The following CCNF variants were observed in gnomAD, a reference collection of about 807,000 sequenced individuals.
The protein encoded by CCNF is cyclin F.
Under a neutral mutation model 85.4 loss-of-function variants are expected in CCNF, and 30 were observed. The ratio of observed to expected loss-of-function variants is 0.35; its 90% confidence interval spans 0.26 to 0.48. The LOEUF is 0.48. Ranked by LOEUF, CCNF falls within the 20% of genes least tolerant of loss-of-function variation. The probability of loss-of-function intolerance (pLI) is 0.99; values close to 1 mark genes in which losing one functional copy is unlikely to be tolerated. For synonymous variants in CCNF, 439 were observed against 425.1 expected (o/e 1.03, Z -0.40); for missense variants, 919 against 1,010.4 (o/e 0.91, Z 1.23).
chr16:2,445,412 C>T, intron 9 of CCNF, 46 bp from the exon 10 acceptor site: 1 of 1,605,852 alleles, frequency 6.2e-7, no homozygotes. Context: ...GACAGGGACA[C>T]ATGGAGAACG....
At position 2,457,265 on chromosome 16, in the gene CCNF, C is replaced by T. The variant is rs948295225; in HGVS notation, c.*245C>T. The T allele has an allele frequency of 2.2e-6, 1 of 464,514 alleles. No individual in the cohort carries two copies. The highest frequency in any genetic ancestry group is 3.8e-6 in the Non-Finnish European group (1 of 260,664). The allele number at this position is 464,514 out of a possible 1,614,324, so 28.8% of individuals were successfully genotyped here. On this transcript the variant is annotated 3_prime_UTR_variant, in exon 17 of 17. Transcript: ENST00000397066. ...TTTAGCCTGGAAGCAGTTGGCCACA[C>T]TGTGTGGAGGGCACCTCTCTGTCCC...
chr16:2,443,550 G>A, intron 8 of CCNF, 99 bp from the exon 9 acceptor site: 1 of 1,178,870 alleles, frequency 8.5e-7, no homozygotes, highest in Non-Finnish European at 1.2e-6. Context: ...AGGGCAGTGT[G>A]TCCACATGCA....
chr16:2,437,772 A>T (rs779744110), intron 5 of CCNF: 4 of 393,332 alleles, frequency 1.0e-5, no homozygotes, highest in Non-Finnish European at 1.9e-5. Context: ...GGTGGTGCAT[A>T]CCTATAGTCC....
At chr16:2,440,745 C>T (rs1287586236) in intron 8 of CCNF, among the ~76,000 whole-genome samples, 2 of 152,036 alleles carry the variant, frequency 1.3e-5, no homozygotes, top group Non-Finnish European at 2.9e-5. Flanking sequence ...TGGCCCAGCC[C>T]GAGGTGTCAT....
chr16:2,453,468 C>G lies in CCNF; in HGVS notation c.1646C>G (p.Pro549Arg). 6.2e-7 allele frequency: 1 copy of G among 1,614,120 alleles called. No individual in the cohort carries two copies. Among genetic ancestry groups the G allele is most frequent in the Non-Finnish European group, 8.5e-7 (1 of 1,180,000 alleles). Residue 549 changes from proline (P) to arginine (R), a missense_variant, in exon 15 of 17, where the codon CCC becomes CGC. This residue lies in a region of CCNF where 505 missense variants were observed against 514.8 expected (regional missense o/e 0.98). Coordinates refer to ENST00000397066, the MANE Select transcript of CCNF (RefSeq NM_001761.3). This position sits in a 1 kb window ranked among gnomAD's most constrained non-coding sequence, Gnocchi z 5.6. ...ALGVTQDSPD[P>R]PTFLSTGEIH... ...GGAGTGACACAAGACAGCCCCGACC[C>G]CCCGACTTTCCTCAGCACAGGGGAG...
intron 3 of CCNF, among the ~76,000 whole-genome samples, chr16:2,434,195 A>C (rs964755763): frequency 6.6e-6 from 1 of 152,158 alleles, no homozygotes. Context: ...AGTCCCAGCT[A>C]CTCTGGAGGC....
At chr16:2,431,734 C>T (rs1437650897) in intron 2 of CCNF, among the ~76,000 whole-genome samples, 4 of 150,990 alleles carry the variant, frequency 2.6e-5, no homozygotes, top group Non-Finnish European at 5.9e-5. Flanking sequence ...ATATCATTAC[C>T]AGATGCTTTC....
In CCNF at chr16:2,439,843, G is replaced by C; in HGVS notation, c.777+17G>C. On this transcript the variant is annotated intron_variant, in intron 8 of 16. Coordinates refer to ENST00000397066, the MANE Select transcript of CCNF (RefSeq NM_001761.3). ...GAAGCGCAGGTGAGGTGCGGGGCTG[G>C]GATGACGTGGGGAGCTGGCCTTTCT... 6.2e-7 allele frequency: 1 copy of C among 1,609,536 alleles called. No homozygotes were observed. Among genetic ancestry groups the C allele is most frequent in the South Asian group, 1.1e-5 (1 of 90,950 alleles).
At chr16:2,442,153 T>C (rs1254661994) in intron 8 of CCNF, among the ~76,000 whole-genome samples, 2 of 143,694 alleles carry the variant, frequency 1.4e-5, no homozygotes, top group Non-Finnish European at 3.0e-5. Context: ...CTACAGGCAT[T>C]GCACCACCAC....
rs909613737 is a variant in CCNF at position 2,456,182 on chromosome 16, C to T, written c.1886-363C>T. The T allele has an allele frequency of 4.4e-6, 1 of 225,176 alleles. No homozygotes were observed. Among genetic ancestry groups the T allele is most frequent in the Non-Finnish European group, 8.7e-6 (1 of 114,558 alleles). 13.9% of individuals were successfully genotyped at this position (225,176 alleles called of 1,614,324 possible). On this transcript the variant is annotated intron_variant, in intron 16 of 16. Transcript: ENST00000397066. The surrounding 1 kb of genome is among the most constrained non-coding windows in gnomAD (Gnocchi z 4.5). ...GTTTGAGGTGTGCCCACGTGGTATA[C>T]GTGACACTCCTCACTGCCCTGCTGG...
rs1015675838 is a variant in CCNF at position 2,432,948 on chromosome 16, CGTT to C, written c.172-9_172-7del. On this transcript the variant is annotated splice_polypyrimidine_tract_variant and intron_variant, in intron 2 of 16. Coordinates refer to ENST00000397066, the MANE Select transcript of CCNF (RefSeq NM_001761.3). Reference sequence around the variant, plus strand: ...GCCTCCATCACCCAGCCCCGGCCCCCGTTGTTCTGCAGGTACACTCCCAGCTGA... The same window carrying C: ...GCCTCCATCACCCAGCCCCGGCCCCCGTTCTGCAGGTACACTCCCAGCTGA... 2 of 1,564,680 alleles carry C rather than the reference CGTT, an allele frequency of 1.3e-6. No individual in the cohort carries two copies. The highest frequency in any genetic ancestry group is 1.3e-5 in the African/African-American group (1 of 74,126).
At position 2,449,807 on chromosome 16, in the gene CCNF, C is replaced by CTCCACCCT. The variant is rs752656253; in HGVS notation, c.1400-20_1400-19insCCACCCTT. ...TCCGTCCCCTCCATCCCCTCCACCC[C>CTCCACCCT]TGGCCTGCTTTCCTCCCCAGCACAG... is the stretch of plus-strand genomic sequence containing the variant. On this transcript the variant is annotated intron_variant, in intron 12 of 16. Transcript: ENST00000397066. 11 of 1,562,272 alleles carry CTCCACCCT rather than the reference C, an allele frequency of 7.0e-6. No individual in the cohort carries two copies. The East Asian group carries it at 2.5e-4, about 35-fold the overall frequency.
In CCNF at chr16:2,456,937, G is replaced by A; in HGVS notation, c.2278G>A (p.Val760Ile). 1 of 1,614,018 alleles carries A rather than the reference G, an allele frequency of 6.2e-7. No individual in the cohort carries two copies. The highest frequency in any genetic ancestry group is 8.5e-7 in the Non-Finnish European group (1 of 1,179,976). Reference sequence around the variant, plus strand: ...TCCCCCAAGTCCCCCGGAGAGCAGTGTTCCCCAGCAACAGGTGAAGCGGAT... The same window carrying A: ...TCCCCCAAGTCCCCCGGAGAGCAGTATTCCCCAGCAACAGGTGAAGCGGAT... The part of the protein sequence containing the change: ...CRPPSPPESS[V>I]PQQQVKRINL... Residue 760 changes from valine to isoleucine, a missense_variant, in exon 17 of 17, where the codon GTT becomes ATT. Physicochemically the swap from Val to Ile is conservative, Grantham distance 29. Around this residue, in one of 3 missense-constraint regions of CCNF, gnomAD observed 505 missense variants for 514.8 expected, o/e 0.98. Transcript: ENST00000397066. The surrounding 1 kb of genome is among the most constrained non-coding windows in gnomAD (Gnocchi z 4.5).
chr16:2,445,572 G>A lies in CCNF; in HGVS notation c.1044G>A (p.Pro348=), dbSNP rs773925421. 34 of 1,613,706 alleles carry A rather than the reference G, an allele frequency of 2.1e-5. No homozygotes were observed. The highest frequency in any genetic ancestry group is 8.0e-5 in the African/African-American group (6 of 74,910). Residue 348 remains proline, a synonymous_variant, in exon 10 of 17, where the codon CCG becomes CCA. Coordinates refer to ENST00000397066, the MANE Select transcript of CCNF (RefSeq NM_001761.3). The part of the protein sequence containing the change: ...VDRYLRRRLV[P]RYRLQLLGIA... Reference sequence around the variant, plus strand: ...GGTACCTGCGGAGGAGGCTGGTGCCGCGGTACAGGCTCCAGCTGCTGGGCA... The same window carrying A: ...GGTACCTGCGGAGGAGGCTGGTGCCACGGTACAGGCTCCAGCTGCTGGGCA...
intron 3 of CCNF, among the ~76,000 whole-genome samples, chr16:2,433,495 G>A (rs148030604): frequency 7.2e-5 from 11 of 152,324 alleles, no homozygotes; most frequent in East Asian, 3.9e-4. Flanking sequence ...TGTGCTCATG[G>A]TCCCAGGTAC....
intron 15 of CCNF, among the ~76,000 whole-genome samples, chr16:2,454,411 C>T (rs1006107081): frequency 2.0e-5 from 3 of 152,206 alleles, no homozygotes; most frequent in Non-Finnish European, 2.9e-5. Flanking sequence ...CATGCAGATA[C>T]GCACGGCTAC....
At chr16:2,433,380 C>T (rs776205765) in intron 3 of CCNF, among the ~76,000 whole-genome samples, 1 of 152,140 alleles carries the variant, frequency 6.6e-6, no homozygotes, top group Non-Finnish European at 1.5e-5. Flanking sequence ...CTTCACTCAG[C>T]CTTCCTTCCC....
chr16:2,438,393 C>T (rs1352382661), intron 6 of CCNF, among the ~76,000 whole-genome samples: 3 of 152,150 alleles, frequency 2.0e-5, no homozygotes, highest in Admixed American at 6.6e-5. Flanking sequence ...GATGCTCACT[C>T]GTCTGCTGGC....
rs1168854200 is a variant in CCNF at position 2,435,889 on chromosome 16, A to C, written c.346+16A>C. 3.1e-6 allele frequency: 5 copies of C among 1,600,796 alleles called. 1 individual carries two copies. The South Asian group carries it at 4.4e-5, about 14-fold the overall frequency. ...AATGAAGGCCGTAAGTCCTCACCCC[A>C]CCTGCATGTTGGCGCTTCAGATAAG... On this transcript the variant is annotated intron_variant, in intron 4 of 16. Transcript: ENST00000397066.
Sources: allele counts gnomAD v4.1 joint callset (sites outside exome capture counted in the v4.1 genomes callset), GRCh38; gene constraint gnomAD v4.1.1; regional missense constraint gnomAD v4.1.1; non-coding constraint Gnocchi (gnomAD v3.1); transcripts MANE v1.5; gene names NCBI Gene and HGNC (gene_info 2026-07-23, HGNC 2026-07-21).